Variants in USP30 observed in about 807,000 individuals in gnomAD.
USP30 encodes the protein ubiquitin specific peptidase 30.
In USP30, 41 loss-of-function variants were observed where a neutral mutation model predicts 68.2. That is an observed-to-expected ratio of 0.60 (90% CI 0.47 to 0.78). The LOEUF (loss-of-function observed/expected upper bound fraction) is 0.78, where lower values mean the gene tolerates loss of function less well. Ranked by LOEUF, USP30 falls within the 30% of genes least tolerant of loss-of-function variation. USP30 has a pLI of 0.00. For synonymous variants in USP30, 229 were observed against 253.7 expected (o/e 0.90, Z 0.93); for missense variants, 522 against 649.4 (o/e 0.80, Z 2.13).
chr12:109,060,841 G>A (rs1000886994), intron 3 of USP30, among the ~76,000 whole-genome samples: 7 of 152,120 alleles, frequency 4.6e-5, no homozygotes, highest in Non-Finnish European at 1.0e-4. Flanking sequence ...TTTTAGTAGA[G>A]ACAGGGTTTC....
chr12:109,023,741 C>A (rs2040424323), intron 1 of USP30, among the ~76,000 whole-genome samples: 1 of 142,782 alleles, frequency 7.0e-6, no homozygotes. Flanking sequence ...TCAAGCAATT[C>A]TCTGCCTCGG....
intron 3 of USP30, among the ~76,000 whole-genome samples, chr12:109,046,597 C>T (rs764122377): frequency 1.3e-5 from 2 of 152,170 alleles, no homozygotes; most frequent in Non-Finnish European, 2.9e-5. Context: ...TTTGGCCTAG[C>T]CAAAGTTGAC....
intron 7 of USP30, among the ~76,000 whole-genome samples, chr12:109,079,339 C>CTTTTTTTTTTTTTTTTTTTTTTTTTTT (rs750712233): frequency 3.4e-4 from 21 of 62,280 alleles, no homozygotes; most frequent in South Asian, 6.2e-4. Flanking sequence ...TTTTCTTTTT[C>CTTTTTTTTTTTTTTTTTTTTTTTTTTT]TTTTTTTTTT....
chr12:109,060,572 A>G (rs1341364417), intron 3 of USP30, among the ~76,000 whole-genome samples: 1 of 152,138 alleles, frequency 6.6e-6, no homozygotes, highest in African/African-American at 2.4e-5. Context: ...GCCAGCGTTC[A>G]TCTAATTTTA....
intron 6 of USP30, 131 bp downstream of exon 6, chr12:109,072,481 G>A (rs1373222272): frequency 1.2e-6 from 1 of 835,836 alleles, no homozygotes; most frequent in African/African-American, 1.7e-5. Context: ...GCTTGCAAAG[G>A]AACTTGTATT....
chr12:109,052,472 G>T (rs978976424), upstream of USP30: 2 of 438,022 alleles, frequency 4.6e-6, no homozygotes, highest in Non-Finnish European at 7.9e-6. Flanking sequence ...TAAGGGAAAA[G>T]AAAGAAAGGA....
chr12:109,071,948 A>G (rs997763586), intron 5 of USP30, among the ~76,000 whole-genome samples: 1 of 152,146 alleles, frequency 6.6e-6, no homozygotes, highest in South Asian at 2.1e-4. Flanking sequence ...TTGAGAATAA[A>G]GAATGTGTTA....
At chr12:109,084,292 TGAAAG>T (rs891511692) in intron 11 of USP30, among the ~76,000 whole-genome samples, 5 of 152,170 alleles carry the variant, frequency 3.3e-5, no homozygotes, top group Admixed American at 6.5e-5. Context: ...AAATGACACT[TGAAAG>T]GAAAAGACAT....
chr12:109,051,249 CTTTTTTTTTTT>C (rs138942249), upstream of USP30, among the ~76,000 whole-genome samples: 20 of 63,584 alleles, frequency 3.1e-4, no homozygotes, highest in Admixed American at 2.6e-3. Context: ...TTACCTCTTG[CTTTTTTTTTTT>C]TTTTTTTTTT....
intron 8 of USP30, 169 bp from the exon 9 acceptor site, chr12:109,081,764 T>G (rs2041810251): frequency 1.5e-6 from 1 of 679,094 alleles, no homozygotes; most frequent in Non-Finnish European, 2.6e-6. Flanking sequence ...AGTAGCAGTC[T>G]AGGGTGCTTT....
chr12:109,048,239 C>T (rs946365783), upstream of USP30, among the ~76,000 whole-genome samples: 10 of 151,920 alleles, frequency 6.6e-5, no homozygotes, highest in Non-Finnish European at 8.8e-5. Flanking sequence ...GTGTGTGCCA[C>T]CAAACCCAGC....
chr12:109,023,842 C>T (rs1424559488), intron 1 of USP30, among the ~76,000 whole-genome samples: 2 of 151,686 alleles, frequency 1.3e-5, no homozygotes, highest in Non-Finnish European at 2.9e-5. Context: ...ACCATCTTGG[C>T]CAGGCTGGTC....
chr12:109,030,625 G>T (rs2040474047), intron 3 of USP30, among the ~76,000 whole-genome samples: 1 of 152,132 alleles, frequency 6.6e-6, no homozygotes, highest in African/African-American at 2.4e-5. Flanking sequence ...TTGTTTGTTT[G>T]TTTGTTTTTT....
At chr12:109,082,814 G>A (rs186432770) in intron 10 of USP30, 29 bp from the exon 11 acceptor site, 18 of 1,610,166 alleles carry the variant, frequency 1.1e-5, no homozygotes, top group Middle Eastern at 1.7e-4. Context: ...GAAACAACTC[G>A]GTTCTCCCGA....
rs2041977187 is a variant in USP30, at chr12:109,087,678, C to CCAT, written c.*1750_*1752dup. ...CTGCCACTGCTTACTCTGAAATCTACCATCAAAGAAAGATAGAGAAAAGGG... is the reference window on the plus strand; with the variant it reads ...CTGCCACTGCTTACTCTGAAATCTACCATCATCAAAGAAAGATAGAGAAAAGGG... On this transcript the variant is annotated 3_prime_UTR_variant, in exon 13 of 13. Transcript: ENST00000257548. The CCAT allele has an allele frequency of 6.6e-6, 1 of 152,206 alleles. No homozygotes were observed. Among genetic ancestry groups the CCAT allele is most frequent in the South Asian group, 2.1e-4 (1 of 4,828 alleles). The allele number at this position is 152,206 out of a possible 1,614,324, so 9.4% of individuals were successfully genotyped here.
chr12:109,028,894 C>G (rs2040463000), intron 3 of USP30, among the ~76,000 whole-genome samples: 1 of 152,218 alleles, frequency 6.6e-6, no homozygotes, highest in Non-Finnish European at 1.5e-5. Flanking sequence ...CTAGGCTCCA[C>G]CTCCAACACT....
chr12:109,075,483 T>C (rs2041572762), intron 7 of USP30, among the ~76,000 whole-genome samples: 1 of 152,324 alleles, frequency 6.6e-6, no homozygotes, highest in South Asian at 2.1e-4. Flanking sequence ...CCCAAGTAGC[T>C]GGGATTACAG....
At chr12:109,075,841 CTTTTTT>C (rs34221615) in intron 7 of USP30, among the ~76,000 whole-genome samples, 1 of 119,688 alleles carries the variant, frequency 8.4e-6, no homozygotes, top group African/African-American at 3.0e-5. Context: ...GTTACTTTTT[CTTTTTT>C]TTTTTTTTTT....
At chr12:109,074,342 C>A (rs992080587) in intron 7 of USP30, among the ~76,000 whole-genome samples, 2 of 152,240 alleles carry the variant, frequency 1.3e-5, no homozygotes, top group Middle Eastern at 3.4e-3. Flanking sequence ...CATTTACATA[C>A]AAGTTTTTGT....
Sources: gnomAD v4.1 joint callset for allele counts (sites outside exome capture counted in the v4.1 genomes callset) on GRCh38, gnomAD v4.1.1 for gene constraint, MANE v1.5 for transcripts, NCBI Gene and HGNC (gene_info 2026-07-23, HGNC 2026-07-21) for gene names.